Variants in SYNE1 observed in about 807,000 individuals in gnomAD.
SYNE1 encodes nesprin-1.
A neutral mutation model predicts 1,111.0 loss-of-function variants in SYNE1; 616 were observed. The ratio of observed to expected loss-of-function variants is 0.55; its 90% CI spans 0.52 to 0.59. The LOEUF is 0.59. Ranked by LOEUF, SYNE1 falls within the 20% of genes least tolerant of loss-of-function variation. The probability of loss-of-function intolerance (pLI) is 0.00; values close to 1 mark genes in which losing one functional copy is unlikely to be tolerated. For missense variants in SYNE1, 10,006 were observed against 10,417.0 expected (o/e 0.96, Z 1.72); for synonymous variants, 3,855 against 3,825.8 (o/e 1.01, Z -0.28).
At chr6:152,599,585 A>G (rs1480962895) in intron 3 of SYNE1, among the ~76,000 whole-genome samples, 1 of 152,194 alleles carries the variant, frequency 6.6e-6, no homozygotes, top group African/African-American at 2.4e-5. Flanking sequence ...TAAATTGTGA[A>G]AAGTTGAAAG....
chr6:152,450,557 G>T, intron 27 of SYNE1, 68 bp downstream of exon 27: 1 of 1,291,044 alleles, frequency 7.7e-7, no homozygotes, highest in Non-Finnish European at 1.1e-6. Flanking sequence ...TTCTTGTTTT[G>T]TCATGATCTC....
chr6:152,181,684 C>T (rs1210975323), intron 128 of SYNE1, among the ~76,000 whole-genome samples: 1 of 152,148 alleles, frequency 6.6e-6, no homozygotes, highest in African/African-American at 2.4e-5. Context: ...TATGAATATA[C>T]CACATTGCAT....
chr6:152,428,453 CTT>C, intron 36 of SYNE1, 61 bp from the exon 37 acceptor site: 2 of 1,568,084 alleles, frequency 1.3e-6, no homozygotes, highest in South Asian at 2.2e-5. Flanking sequence ...CTGCATTTTT[CTT>C]TGACACCGAT....
chr6:152,504,972 C>T (rs1465186609), intron 9 of SYNE1, among the ~76,000 whole-genome samples: 2 of 152,206 alleles, frequency 1.3e-5, no homozygotes, highest in Admixed American at 6.5e-5. Context: ...ACCCGACTGA[C>T]ATACCAATGC....
intron 93 of SYNE1, among the ~76,000 whole-genome samples, chr6:152,297,816 TGTGTGTGC>T (rs58376151): frequency 0.14 from 11,400 of 82,996 alleles, 1,173 homozygotes; most frequent in African/African-American, 0.38. Flanking sequence ...TGTGTGTGTG[TGTGTGTGC>T]GCGCGCACGT....
In SYNE1 at chr6:152,334,167, T is replaced by C; in HGVS notation, c.12635A>G (p.Asn4212Ser). 2.5e-6 allele frequency: 4 copies of C among 1,614,202 alleles called. No individual in the cohort carries two copies. Among genetic ancestry groups the C allele is most frequent in the Non-Finnish European group, 3.4e-6 (4 of 1,180,038 alleles). Residue 4212 changes from asparagine to serine, a missense_variant, in exon 77 of 146, where the codon AAT (asparagine) becomes AGT (serine). Around this residue, in one of 7 missense-constraint regions of SYNE1, gnomAD observed 4,955 missense variants for 5,017.2 expected, o/e 0.99. Transcript: ENST00000367255. Reference sequence around the variant, plus strand: ...ATCGAGCCACTGATCATTTAAATGATTTATTTCCTTGTGTTCAGGCGATTC... The same window carrying C: ...ATCGAGCCACTGATCATTTAAATGACTTATTTCCTTGTGTTCAGGCGATTC... Reference protein sequence around the residue: ...KEESPEHKEINHLNDQWLDLC... With the variant: ...KEESPEHKEISHLNDQWLDLC...
chr6:152,298,395 A>G (rs1351693253), intron 93 of SYNE1, among the ~76,000 whole-genome samples: 2 of 152,220 alleles, frequency 1.3e-5, no homozygotes, highest in African/African-American at 2.4e-5. Context: ...AGGGGAATCA[A>G]GAAGCCTACA....
intron 3 of SYNE1, among the ~76,000 whole-genome samples, chr6:152,610,557 T>C (rs1322775227): frequency 2.0e-5 from 3 of 152,184 alleles, no homozygotes; most frequent in African/African-American, 7.2e-5. Context: ...TGGAACCAAG[T>C]TGGAAAACAC....
chr6:152,299,004 T>G (rs1270518069), intron 93 of SYNE1, among the ~76,000 whole-genome samples: 2 of 152,194 alleles, frequency 1.3e-5, no homozygotes, highest in Admixed American at 1.3e-4. Flanking sequence ...GGGGAAGAAT[T>G]AAAACAAAGC....
At position 152,441,286 on chromosome 6, in the gene SYNE1, T is replaced by C. The variant is rs1267268176; in HGVS notation, c.4009-16A>G. 1.3e-6 allele frequency: 2 copies of C among 1,598,540 alleles called. No homozygotes were observed. Among genetic ancestry groups the C allele is most frequent in the Non-Finnish European group, 8.5e-7 (1 of 1,170,688 alleles). ...TTAATGTGACCTAAATTTGAAAAAA[T>C]AAACAACAAATGGGTTACAAATGTC... On this transcript the variant is annotated splice_polypyrimidine_tract_variant and intron_variant, in intron 31 of 145. Coordinates refer to ENST00000367255, the MANE Select transcript of SYNE1 (RefSeq NM_182961.4).
Position 152,180,206 on chromosome 6 carries a change from G to T in SYNE1, c.23390C>A (p.Thr7797Asn). The stretch of plus-strand genomic sequence containing the variant: ...CTGAGAAACTTTGCTTTCCATTTGA[G>T]TCAACCACTCACAGAGTTCCTTGTT... Reference protein sequence around the residue: ...EKNKELCEWLTQMESKVSQNG... With the variant: ...EKNKELCEWLNQMESKVSQNG... The change falls in exon 129 of 146, where the codon ACT becomes AAT. Residue 7797 changes from threonine (T) to asparagine (N), a missense_variant. Transcript: ENST00000367255. 6.2e-7 allele frequency: 1 copy of T among 1,614,044 alleles called. No individual in the cohort carries two copies. The highest frequency in any genetic ancestry group is 8.5e-7 in the Non-Finnish European group (1 of 1,180,010).
intron 14 of SYNE1, chr6:152,472,733 T>C: frequency 1.5e-6 from 1 of 658,756 alleles, no homozygotes; most frequent in East Asian, 2.7e-5. Context: ...GAAATGATTT[T>C]AGTATTTTTT....
At chr6:152,476,798 G>T (rs1368560257) in intron 14 of SYNE1, among the ~76,000 whole-genome samples, 1 of 151,612 alleles carries the variant, frequency 6.6e-6, no homozygotes, top group Non-Finnish European at 1.5e-5. Context: ...GATCCTGGGA[G>T]GCAGAGGCTG....
rs190294370 is a variant in SYNE1 at position 152,488,611 on chromosome 6, C to T, written c.940-108G>A. On this transcript the variant is annotated intron_variant, in intron 11 of 145. Coordinates refer to ENST00000367255, the MANE Select transcript of SYNE1 (RefSeq NM_182961.4). ...AGACTTAATATTTAGTAAGTCCCAA[C>T]TGTCTCTGAAAAATTTCCTTTCTCC... 219 of 679,580 alleles carry T rather than the reference C, an allele frequency of 3.2e-4. 1 individual carries two copies. The African/African-American group carries it at 3.4e-3, about 11-fold the overall frequency. 42.1% of individuals were successfully genotyped at this position (679,580 alleles called of 1,614,324 possible).
At chr6:152,535,569 A>T (rs1477700858) in intron 4 of SYNE1, among the ~76,000 whole-genome samples, 1 of 152,202 alleles carries the variant, frequency 6.6e-6, no homozygotes, top group Non-Finnish European at 1.5e-5. Context: ...AGTGACAAGC[A>T]ATCTATTTAT....
At chr6:152,349,263 A>G (rs2096699656) in intron 72 of SYNE1, among the ~76,000 whole-genome samples, 1 of 152,266 alleles carries the variant, frequency 6.6e-6, no homozygotes, top group South Asian at 2.1e-4. Flanking sequence ...TTATCTTGAT[A>G]GATTTAAATA....
At chr6:152,151,126 G>A (rs919103234) in intron 135 of SYNE1, among the ~76,000 whole-genome samples, 4 of 152,018 alleles carry the variant, frequency 2.6e-5, no homozygotes, top group Admixed American at 6.6e-5. Context: ...GCAGGCTGAG[G>A]CAGGAGAATT....
rs1350084581 is a variant in SYNE1 at position 152,284,165 on chromosome 6, A to G, written c.18020T>C (p.Met6007Thr). The G allele has an allele frequency of 1.2e-6, 2 of 1,614,020 alleles. No individual in the cohort carries two copies. Among genetic ancestry groups the G allele is most frequent in the Non-Finnish European group, 1.7e-6 (2 of 1,180,032 alleles). The change falls in exon 96 of 146, where the codon ATG (methionine) becomes ACG (threonine). Residue 6007 changes from methionine to threonine, a missense_variant. By Grantham distance (81) the Met-to-Thr change is moderately conservative (BLOSUM62 -1). Transcript: ENST00000367255. ...ESQMAEHQAL[M>T]DEILMLQDEI... ...ATCCTGGAGCATGAGAATCTCATCC[A>G]TCAATGCCTGGAGGAAAGACTGTGG...
At chr6:152,605,388 C>A (rs903955529) in intron 3 of SYNE1, among the ~76,000 whole-genome samples, 2 of 144,876 alleles carry the variant, frequency 1.4e-5, no homozygotes, top group Admixed American at 1.3e-4. Context: ...AAATCAGAAA[C>A]AAAAGCTACT....
Sources: allele counts gnomAD v4.1 joint callset (sites outside exome capture counted in the v4.1 genomes callset), GRCh38; gene constraint gnomAD v4.1.1; regional missense constraint gnomAD v4.1.1; transcripts MANE v1.5; gene names NCBI Gene and HGNC (gene_info 2026-07-23, HGNC 2026-07-21).